The following VPS41 variants were observed in gnomAD, a reference collection of about 807,000 sequenced individuals.
The protein encoded by VPS41 is VPS41 subunit of HOPS complex, also known as vacuolar protein sorting-associated protein 41 homolog.
A neutral mutation model predicts 130.9 loss-of-function variants in VPS41; 85 were observed. The observed-to-expected ratio is 0.65, with a 90% CI of 0.55 to 0.78. The LOEUF is 0.78. Among genes scored for constraint, VPS41 ranks in the 30% least tolerant of loss-of-function variants. VPS41 has a pLI of 0.00. For synonymous variants in VPS41, 335 were observed against 332.9 expected (o/e 1.01, Z -0.07); for missense variants, 874 against 1,018.7 (o/e 0.86, Z 1.93).
intron 2 of VPS41, among the ~76,000 whole-genome samples, chr7:38,889,187 C>T (rs574997837): frequency 2.9e-5 from 4 of 136,048 alleles, no homozygotes; most frequent in Non-Finnish European, 6.1e-5. Context: ...TACAGTTCCA[C>T]AGGGAAAGAG....
chr7:38,763,470 C>T lies in VPS41; in HGVS notation c.1407G>A (p.Leu469=). The T allele has an allele frequency of 1.2e-6, 2 of 1,601,412 alleles. No homozygotes were observed. Among genetic ancestry groups the T allele is most frequent in the Non-Finnish European group, 1.7e-6 (2 of 1,175,142 alleles). Reference sequence around the variant, plus strand: ...AACACCATACCTCATAATCACTCTCCAAAAATTCATGTAAGATCATTTCAT... The same window carrying T: ...AACACCATACCTCATAATCACTCTCTAAAAATTCATGTAAGATCATTTCAT... ...LIYEMILHEF[L]ESDYEGFATL... The change falls in exon 17 of 29, where the codon TTG becomes TTA. Residue 469 remains leucine, a synonymous_variant. Transcript: ENST00000310301.
intron 18 of VPS41, among the ~76,000 whole-genome samples, chr7:38,758,027 G>A (rs922786854): frequency 2.0e-5 from 3 of 152,168 alleles, no homozygotes; most frequent in African/African-American, 7.2e-5. Context: ...CCCTAGAAGA[G>A]CAGAATCCAG....
intron 2 of VPS41, among the ~76,000 whole-genome samples, chr7:38,886,612 C>A (rs968377523): frequency 6.6e-6 from 1 of 152,236 alleles, no homozygotes; most frequent in Non-Finnish European, 1.5e-5. Flanking sequence ...CAAAAGGCAG[C>A]AGACAGCTTC....
At chr7:38,854,635 T>C (rs1785939295) in intron 4 of VPS41, among the ~76,000 whole-genome samples, 1 of 152,024 alleles carries the variant, frequency 6.6e-6, no homozygotes, top group South Asian at 2.1e-4. Flanking sequence ...ATCTGGAAAA[T>C]AGTCTAAATA....
chr7:38,822,266 G>A (rs1418799290), intron 5 of VPS41, among the ~76,000 whole-genome samples: 2 of 152,042 alleles, frequency 1.3e-5, no homozygotes, highest in African/African-American at 2.4e-5. Flanking sequence ...TTTATGACAC[G>A]AACATATCCG....
intron 17 of VPS41, among the ~76,000 whole-genome samples, chr7:38,761,980 T>TTA (rs1052941933): frequency 2.6e-5 from 4 of 152,170 alleles, no homozygotes; most frequent in Non-Finnish European, 4.4e-5. Context: ...TTAATAATAA[T>TTA]GCTCAGGGAA....
intron 5 of VPS41, among the ~76,000 whole-genome samples, chr7:38,829,606 C>T (rs1785348130): frequency 6.6e-6 from 1 of 152,156 alleles, no homozygotes; most frequent in African/African-American, 2.4e-5. Flanking sequence ...AGTGGAAAAT[C>T]AATCACCACA....
In VPS41 at chr7:38,754,848, T is replaced by A. The variant is rs779337514; in HGVS notation, c.1737+47A>T. 3.1e-6 allele frequency: 5 copies of A among 1,593,064 alleles called. No homozygotes were observed. In the South Asian group the frequency reaches 3.3e-5, roughly 11 times the overall value. On this transcript the variant is annotated intron_variant, in intron 20 of 28. Coordinates refer to ENST00000310301, the MANE Select transcript of VPS41 (RefSeq NM_014396.4). ...ACTCTCTTCTTCACAGCTATAGGAGTCCCAGACGTTCATCTGGTAACACAT... is the reference window on the plus strand; with the variant it reads ...ACTCTCTTCTTCACAGCTATAGGAGACCCAGACGTTCATCTGGTAACACAT...
chr7:38,828,681 AC>A (rs1785327561), intron 5 of VPS41, among the ~76,000 whole-genome samples: 1 of 152,142 alleles, frequency 6.6e-6, no homozygotes. Flanking sequence ...TTTCAATTCT[AC>A]CAATGTTAAT....
chr7:38,785,259 G>A (rs1361630717), intron 10 of VPS41, among the ~76,000 whole-genome samples: 1 of 152,194 alleles, frequency 6.6e-6, no homozygotes, highest in Non-Finnish European at 1.5e-5. Context: ...TTCAGGCTGT[G>A]CTAAGAAGCA....
intron 14 of VPS41, among the ~76,000 whole-genome samples, chr7:38,770,013 T>C (rs543876780): frequency 3.4e-4 from 52 of 152,266 alleles, no homozygotes; most frequent in Middle Eastern, 3.4e-3. Context: ...CTCATGTCTA[T>C]AATAGCAGCA....
In VPS41 at chr7:38,771,152, TATTGAAAGATAAAATTATGTTTCAAATA is replaced by T. The variant is rs1257653114; in HGVS notation, c.1185+18_1185+45del. 1.5e-6 allele frequency: 2 copies of T among 1,342,414 alleles called. No individual in the cohort carries two copies. The highest frequency in any genetic ancestry group is 2.1e-6 in the Non-Finnish European group (2 of 945,830). The allele number at this position is 1,342,414 out of a possible 1,614,324, so 83.2% of individuals were successfully genotyped here. ...AATTATTTTCAGTCTCACTATAACT[TATTGAAAGATAAAATTATGTTTCAAATA>T]ACAAATTGCACACTTACCAGAATCT... is the stretch of plus-strand genomic sequence containing the variant. On this transcript the variant is annotated intron_variant, in intron 14 of 28. Transcript: ENST00000310301.
intron 11 of VPS41, among the ~76,000 whole-genome samples, chr7:38,776,151 C>T (rs982405999): frequency 3.3e-5 from 5 of 152,146 alleles, no homozygotes; most frequent in African/African-American, 1.2e-4. Flanking sequence ...TTATTAGCCA[C>T]AGATTTTGAT....
At chr7:38,821,359 A>G (rs1785168096) in intron 5 of VPS41, 94 bp from the exon 6 acceptor site, 2 of 854,630 alleles carry the variant, frequency 2.3e-6, no homozygotes, top group Non-Finnish European at 3.8e-6. Context: ...AGAAAAGTAG[A>G]ATATTTAATA....
chr7:38,786,106 T>C (rs1784431570), intron 10 of VPS41, among the ~76,000 whole-genome samples: 1 of 152,250 alleles, frequency 6.6e-6, no homozygotes, highest in Non-Finnish European at 1.5e-5. Flanking sequence ...AACAAGACTC[T>C]GTAAACAAAG....
At chr7:38,816,245 G>A (rs1785046529) in intron 7 of VPS41, among the ~76,000 whole-genome samples, 1 of 152,086 alleles carries the variant, frequency 6.6e-6, no homozygotes, top group Admixed American at 6.5e-5. Context: ...GAATAACAAT[G>A]GGCTGTGAGA....
intron 4 of VPS41, chr7:38,831,289 G>A (rs760308816): frequency 3.0e-5 from 14 of 469,384 alleles, no homozygotes; most frequent in African/African-American, 2.8e-4. Context: ...GTGCAGCCTA[G>A]GTTTCCTGTC....
At chr7:38,817,958 C>T in intron 6 of VPS41, 76 bp from the exon 7 acceptor site, 1 of 1,125,046 alleles carries the variant, frequency 8.9e-7, no homozygotes, top group Admixed American at 1.7e-5. Context: ...TGACACAGTT[C>T]AAGCAGCATG....
chr7:38,822,638 GC>G (rs1785197280), intron 5 of VPS41, among the ~76,000 whole-genome samples: 2 of 152,156 alleles, frequency 1.3e-5, no homozygotes, highest in Admixed American at 1.3e-4. Flanking sequence ...CTAAGAACAT[GC>G]TTTGCAAATC....
Sources: allele counts gnomAD v4.1 joint callset (sites outside exome capture counted in the v4.1 genomes callset), GRCh38; gene constraint gnomAD v4.1.1; transcripts MANE v1.5; gene names NCBI Gene and HGNC (gene_info 2026-07-23, HGNC 2026-07-21).